Variants in PHGR1 observed in about 807,000 individuals in gnomAD.
PHGR1 encodes the protein proline, histidine and glycine-rich protein 1.
In PHGR1, 3 loss-of-function variants were observed where a neutral mutation model predicts 4.9. The ratio of observed to expected loss-of-function variants is 0.61; its 90% CI spans 0.28 to 1.58. The LOEUF (loss-of-function observed/expected upper bound fraction) is 1.58, where lower values mean the gene tolerates loss of function less well. Ranked by LOEUF, PHGR1 falls within the 40% of genes most tolerant of loss-of-function variation. The pLI, the probability that PHGR1 is intolerant of heterozygous loss-of-function variation, is 0.11. For missense variants in PHGR1, 81 were observed against 118.7 expected (o/e 0.68, Z 1.48); for synonymous variants, 32 against 46.1 (o/e 0.69, Z 1.24).
chr15:40,351,480 A>G (rs1304823588), intron 1 of PHGR1, among the ~76,000 whole-genome samples: 1 of 152,140 alleles, frequency 6.6e-6, no homozygotes, highest in Non-Finnish European at 1.5e-5. Flanking sequence ...CCTCCCCGCA[A>G]AGCCCAGCCC....
At chr15:40,353,676 A>T (rs1247124505) in intron 2 of PHGR1, 4 of 222,694 alleles carry the variant, frequency 1.8e-5, no homozygotes, top group Non-Finnish European at 3.6e-5. Flanking sequence ...GTAGCAGGTG[A>T]TTCCCACACC....
chr15:40,353,518 C>T (rs755283665), intron 2 of PHGR1: 17 of 505,904 alleles, frequency 3.4e-5, no homozygotes, highest in Non-Finnish European at 5.7e-5. Context: ...CTTCTCCCAC[C>T]GCACACTCAA....
chr15:40,351,319 G>A (rs1012432725), intron 1 of PHGR1, among the ~76,000 whole-genome samples: 2 of 152,204 alleles, frequency 1.3e-5, no homozygotes. Flanking sequence ...GCTTAGCTGA[G>A]AGTGGAAGAA....
intron 2 of PHGR1, among the ~76,000 whole-genome samples, chr15:40,354,059 A>G (rs904860963): frequency 6.6e-6 from 1 of 152,152 alleles, no homozygotes; most frequent in African/African-American, 2.4e-5. Context: ...CAGAGTTGAG[A>G]CAAGAACCCA....
At chr15:40,353,140 TGTGTGTGC>T (rs1298890969) in intron 1 of PHGR1, 84 bp from the exon 2 acceptor site, 90 of 930,402 alleles carry the variant, frequency 9.7e-5, no homozygotes, top group African/African-American at 3.5e-4. Flanking sequence ...TGTGTGTGTG[TGTGTGTGC>T]GCGCGCGCGC....
chr15:40,355,165 TAAAAAAACAAA>T (rs1166945009), intron 3 of PHGR1, among the ~76,000 whole-genome samples: 4 of 137,806 alleles, frequency 2.9e-5, no homozygotes, highest in African/African-American at 1.2e-4. Context: ...GGCAAAAAGT[TAAAAAAACAAA>T]AAAAAAACAA....
intron 3 of PHGR1, among the ~76,000 whole-genome samples, chr15:40,355,111 C>A (rs867567428): frequency 2.0e-5 from 3 of 152,064 alleles, no homozygotes; most frequent in African/African-American, 7.3e-5. Context: ...GAGTCCCCTA[C>A]CACAGAAGCA....
intron 1 of PHGR1, among the ~76,000 whole-genome samples, chr15:40,352,286 T>C (rs1219071162): frequency 6.6e-6 from 1 of 152,132 alleles, no homozygotes; most frequent in Non-Finnish European, 1.5e-5. Context: ...AGGGTTGTTG[T>C]ATTGGGGGCG....
Position 40,356,410 on chromosome 15 carries a change from T to C in PHGR1, c.*107T>C. On this transcript the variant is annotated 3_prime_UTR_variant, in exon 4 of 4. Transcript: ENST00000448599. ...CTTCTCTTCCTAATAAACAGCCTCC[T>C]AGAGGCCACATTCTATTCTTTAAAG... is the stretch of plus-strand genomic sequence containing the variant. 8 of 1,495,624 alleles carry C rather than the reference T, an allele frequency of 5.3e-6. No homozygotes were observed. Among genetic ancestry groups the C allele is most frequent in the Non-Finnish European group, 7.3e-6 (8 of 1,098,398 alleles). The allele number at this position is 1,495,624 out of a possible 1,614,324, so 92.6% of individuals were successfully genotyped here.
At chr15:40,351,234 T>A (rs1408030405) in intron 1 of PHGR1, among the ~76,000 whole-genome samples, 172 bp downstream of exon 1, 1 of 152,040 alleles carries the variant, frequency 6.6e-6, no homozygotes, top group Non-Finnish European at 1.5e-5. Flanking sequence ...CTGTCCCCAC[T>A]CCTGGGCTGG....
chr15:40,353,736 G>C (rs1889245746), intron 2 of PHGR1: 1 of 184,096 alleles, frequency 5.4e-6, no homozygotes, highest in Non-Finnish European at 1.1e-5. Flanking sequence ...TGCTGCAGGA[G>C]CCCAGTGGAC....
At chr15:40,351,829 C>T (rs372251292) in intron 1 of PHGR1, among the ~76,000 whole-genome samples, 5 of 152,128 alleles carry the variant, frequency 3.3e-5, no homozygotes, top group African/African-American at 7.2e-5. Flanking sequence ...CTCTGCCTCC[C>T]GGGTTCAAGC....
chr15:40,353,110 G>GGTGTGTGTGTGTGTGT (rs57886573), intron 1 of PHGR1, 122 bp from the exon 2 acceptor site: 33 of 565,390 alleles, frequency 5.8e-5, no homozygotes, highest in Middle Eastern at 4.9e-4. Flanking sequence ...TCCTTTGAAG[G>GGTGTGTGTGTGTGTGT]GTGTGTGTGT....
Position 40,356,183 on chromosome 15 carries a change from C to A in PHGR1, c.129C>A (p.Cys43Ter), listed in dbSNP as rs928164405. The change falls in exon 4 of 4, where the codon TGC becomes TGA. Residue 43 changes from cysteine (C) to a stop codon, truncating the protein, a stop_gained. Transcript: ENST00000448599. LOFTEE classifies it low-confidence loss of function (END_TRUNC). ...GPPPHHGPGP[C>*]GPPPGHGPGP... ...CCCCCCACCATGGTCCAGGGCCCTGCGGGCCACCCCCTGGCCATGGCCCAG... is the reference window on the plus strand; with the variant it reads ...CCCCCCACCATGGTCCAGGGCCCTGAGGGCCACCCCCTGGCCATGGCCCAG... The A allele has an allele frequency of 6.8e-7, 1 of 1,461,474 alleles. No individual in the cohort carries two copies. The highest frequency in any genetic ancestry group is 1.9e-4 in the Middle Eastern group (1 of 5,370). The allele number at this position is 1,461,474 out of a possible 1,614,324, so 90.5% of individuals were successfully genotyped here.
At chr15:40,353,110 G>GGTGTGTGTGTGTGTGTGTGTGGGTGTGT in intron 1 of PHGR1, 122 bp from the exon 2 acceptor site, 1 of 564,510 alleles carries the variant, frequency 1.8e-6, no homozygotes, top group Non-Finnish European at 3.0e-6. Flanking sequence ...TCCTTTGAAG[G>GGTGTGTGTGTGTGTGTGTGTGGGTGTGT]GTGTGTGTGT....
Position 40,356,088 on chromosome 15 carries a change from G to T in PHGR1, c.34G>T (p.Gly12Trp), listed in dbSNP as rs1043093833. Residue 12 changes from glycine (G) to tryptophan (W), a missense_variant, in exon 4 of 4, where the codon GGG (glycine) becomes TGG (tryptophan). Transcript: ENST00000448599. ...CTTTCCACAGGGGCACTGCCACTGT[G>T]GGGGGCATGGCCATCCTCCAGGTCA... ...DPGPKGHCHC[G>W]GHGHPPGHCG... 15 of 1,549,248 alleles carry T rather than the reference G, an allele frequency of 9.7e-6. No individual in the cohort carries two copies. The African/African-American group carries it at 1.4e-4, about 14-fold the overall frequency.
intron 2 of PHGR1, among the ~76,000 whole-genome samples, chr15:40,353,961 G>C (rs62017979): frequency 1.3e-5 from 2 of 152,070 alleles, no homozygotes; most frequent in Admixed American, 1.3e-4. Flanking sequence ...AGGACAGATG[G>C]GGAGGTTGGC....
intron 1 of PHGR1, among the ~76,000 whole-genome samples, chr15:40,351,374 A>G (rs1269855014): frequency 6.6e-6 from 1 of 152,072 alleles, no homozygotes; most frequent in East Asian, 1.9e-4. Context: ...TGTCCCTCAA[A>G]CACCTGGGCC....
chr15:40,353,316 G>A lies in PHGR1; in HGVS notation c.10+49G>A, dbSNP rs1889238198. ...GGGAATTGGAAGAAGGGAGAGAGCA[G>A]GAGAGCGGTAAAGGCAGGGACTATC... On this transcript the variant is annotated intron_variant, in intron 2 of 3. Transcript: ENST00000448599. The A allele has an allele frequency of 2.6e-6, 4 of 1,551,010 alleles. No homozygotes were observed. In the Admixed American group the frequency reaches 5.9e-5, roughly 23 times the overall value.
Sources: allele counts gnomAD v4.1 joint callset (sites outside exome capture counted in the v4.1 genomes callset), GRCh38; gene constraint gnomAD v4.1.1; transcripts MANE v1.5; gene names NCBI Gene and HGNC (gene_info 2026-07-23, HGNC 2026-07-21).